The following PVALB variants were observed in gnomAD, a reference collection of about 807,000 sequenced individuals.
PVALB encodes the protein parvalbumin alpha.
A neutral mutation model predicts 10.9 loss-of-function variants in PVALB; 11 were observed. The observed-to-expected ratio is 1.01, with a 90% CI of 0.63 to 1.67. The LOEUF (loss-of-function observed/expected upper bound fraction) is 1.67, where lower values mean the gene tolerates loss of function less well. Among genes scored for constraint, PVALB ranks in the 40% most tolerant of loss-of-function variants. The pLI is 0.00. For missense variants in PVALB, 131 were observed against 136.2 expected (o/e 0.96, Z 0.19); for synonymous variants, 57 against 50.7 (o/e 1.12, Z -0.53).
Position 36,808,528 on chromosome 22 carries a change from T to G in PVALB, c.304+5118A>C, listed in dbSNP as rs565509831. 1.5e-4 allele frequency among the ~76,000 whole-genome samples: 23 copies of G among 152,290 alleles called. No homozygotes were observed. The South Asian group carries it at 4.6e-3, about 30-fold the overall frequency. On this transcript the variant is annotated intron_variant, in intron 3 of 3. Transcript: ENST00000417718. Reference sequence around the variant, plus strand: ...TTGCAAAATGGGGATAGTGACGGCATCTACTTCCTAGGATTATTGTAAGGC... The same window carrying G: ...TTGCAAAATGGGGATAGTGACGGCAGCTACTTCCTAGGATTATTGTAAGGC...
At position 36,801,050 on chromosome 22, in the gene PVALB, A is replaced by C; in HGVS notation, c.305-132T>G. The C allele has an allele frequency of 6.1e-6, 5 of 817,190 alleles. 1 individual carries two copies. In the South Asian group the frequency reaches 7.6e-5, roughly 12 times the overall value. The allele number at this position is 817,190 out of a possible 1,614,324, so 50.6% of individuals were successfully genotyped here. A position where few individuals can be genotyped will look rare whatever the true frequency, so the allele number is the denominator to read the frequency against. ...TCTGCTGCAGCAGCCCCAGAGCGTA[A>C]GTGTGAAAATGAATGAATGAATAAA... On this transcript the variant is annotated intron_variant, in intron 3 of 3. Coordinates refer to ENST00000417718, the MANE Select transcript of PVALB (RefSeq NM_001315532.2).
At chr22:36,803,487 A>T (rs1938901122) in intron 3 of PVALB, among the ~76,000 whole-genome samples, 1 of 151,916 alleles carries the variant, frequency 6.6e-6, no homozygotes, top group African/African-American at 2.4e-5. Flanking sequence ...AGGTGCTCAT[A>T]AATAAGCTCT....
intron 2 of PVALB, among the ~76,000 whole-genome samples, 196 bp downstream of exon 2, chr22:36,814,907 C>T (rs2145954184): frequency 6.6e-6 from 1 of 152,290 alleles, no homozygotes; most frequent in African/African-American, 2.4e-5. Context: ...GAGGGTTTTA[C>T]TCTTCCGAAG....
intron 3 of PVALB, among the ~76,000 whole-genome samples, chr22:36,804,382 C>A (rs7287559): frequency 0.016 from 2,450 of 152,290 alleles, 74 homozygotes; most frequent in African/African-American, 0.056. Flanking sequence ...AGCCCCTCTG[C>A]CCACCCTGCA....
chr22:36,801,603 C>T (rs1326091256), intron 3 of PVALB, among the ~76,000 whole-genome samples: 1 of 152,134 alleles, frequency 6.6e-6, no homozygotes, highest in Non-Finnish European at 1.5e-5. Flanking sequence ...AGTTTGAGAC[C>T]AGCCTGGCCA....
At chr22:36,801,850 G>C (rs1187708793) in intron 3 of PVALB, among the ~76,000 whole-genome samples, 1 of 152,166 alleles carries the variant, frequency 6.6e-6, no homozygotes, top group East Asian at 1.9e-4. Context: ...GTTGTGATGT[G>C]GGGAGAGCAC....
rs549412942 is a variant in PVALB at position 36,816,045 on chromosome 22, T to TTGTGTG, written c.62-816_62-811dup. 4.7e-3 allele frequency among the ~76,000 whole-genome samples: 630 copies of TTGTGTG among 134,238 alleles called. 2 individuals carry two copies. Among genetic ancestry groups the TTGTGTG allele is most frequent in the Middle Eastern group, 0.01 (3 of 294 alleles). 88.1% of individuals were successfully genotyped at this position (134,238 alleles called of 152,430 possible). On this transcript the variant is annotated intron_variant, in intron 1 of 3. Transcript: ENST00000417718. ...AGGGTACAATGTTAGATCATGTATT[T>TTGTGTG]TGTGTGTGTGTGTGTGTGTGTGTGT... is the stretch of plus-strand genomic sequence containing the variant.
intron 2 of PVALB, among the ~76,000 whole-genome samples, chr22:36,814,628 G>T (rs1389728920): frequency 6.6e-6 from 1 of 152,058 alleles, no homozygotes; most frequent in Non-Finnish European, 1.5e-5. Flanking sequence ...AGGACCCCTG[G>T]ACTCTCAGAG....
chr22:36,801,022 G>T (rs1394772872), intron 3 of PVALB, 104 bp from the exon 4 acceptor site: 3 of 1,113,656 alleles, frequency 2.7e-6, no homozygotes, highest in Non-Finnish European at 4.1e-6. Context: ...CTGGGTTCTT[G>T]CTTCTGCTGC....
intron 2 of PVALB, among the ~76,000 whole-genome samples, chr22:36,814,528 G>T (rs1479225336): frequency 6.6e-6 from 1 of 152,128 alleles, no homozygotes; most frequent in Non-Finnish European, 1.5e-5. Flanking sequence ...ACATGGCCGG[G>T]TGGCTGAGGG....
At chr22:36,811,977 A>G (rs1939053007) in intron 3 of PVALB, among the ~76,000 whole-genome samples, 1 of 152,144 alleles carries the variant, frequency 6.6e-6, no homozygotes, top group South Asian at 2.1e-4. Context: ...GGGATTCTCC[A>G]TTCTCGTTAC....
At position 36,800,934 on chromosome 22, in the gene PVALB, A is replaced by G. The variant is rs1191994428; in HGVS notation, c.305-16T>C. 2 of 1,607,198 alleles carry G rather than the reference A, an allele frequency of 1.2e-6. No homozygotes were observed. On this transcript the variant is annotated splice_polypyrimidine_tract_variant and intron_variant, in intron 3 of 3. Transcript: ENST00000417718. ...GTGGAGAATTCTGCAGAACAAAATGACAAGGAAAGTGAGTCAGAGGCGGGG... is the reference window on the plus strand; with the variant it reads ...GTGGAGAATTCTGCAGAACAAAATGGCAAGGAAAGTGAGTCAGAGGCGGGG...
chr22:36,810,006 T>C (rs1283384572), intron 3 of PVALB, among the ~76,000 whole-genome samples: 1 of 152,136 alleles, frequency 6.6e-6, no homozygotes, highest in Non-Finnish European at 1.5e-5. Context: ...TGCCTCAGCC[T>C]CTTGAGTAGC....
At chr22:36,816,865 C>A (rs1005358733) in intron 1 of PVALB, 80 bp downstream of exon 1, 2 of 1,292,190 alleles carry the variant, frequency 1.5e-6, no homozygotes, top group African/African-American at 1.6e-5. Context: ...GAGGATCCGC[C>A]GGCTGCGGGG....
At chr22:36,813,987 C>T (rs1045161326) in intron 2 of PVALB, among the ~76,000 whole-genome samples, 1 of 152,214 alleles carries the variant, frequency 6.6e-6, no homozygotes. Context: ...GTTGTCCTCA[C>T]TTCAGGGAGG....
chr22:36,805,104 C>T (rs1938929705), intron 3 of PVALB, among the ~76,000 whole-genome samples: 1 of 152,186 alleles, frequency 6.6e-6, no homozygotes, highest in Admixed American at 6.5e-5. Context: ...CAAGATGCCT[C>T]ATCCTCCCTG....
chr22:36,808,468 G>A (rs2145948913), intron 3 of PVALB, among the ~76,000 whole-genome samples: 1 of 152,312 alleles, frequency 6.6e-6, no homozygotes, highest in African/African-American at 2.4e-5. Context: ...GAGACCCTGG[G>A]CATGTCACTT....
In PVALB at chr22:36,816,964, C is replaced by T. The variant is rs1244699758; in HGVS notation, c.42G>A (p.Lys14=). The change falls in exon 1 of 4, where the codon AAG becomes AAA. Residue 14 remains lysine, a synonymous_variant. Transcript: ENST00000417718. ...GCTCACCGCTAAAGGCTCCCACCGC[C>T]TTCTTGATGTCCTCAGCGTTCAGCA... The part of the protein sequence containing the change: ...TDLLNAEDIK[K]AVGAFSATDS... The T allele has an allele frequency of 2.5e-6, 4 of 1,609,500 alleles. No homozygotes were observed. The highest frequency in any genetic ancestry group is 3.4e-6 in the Non-Finnish European group (4 of 1,178,860).
chr22:36,806,246 C>T (rs952290066), intron 3 of PVALB, among the ~76,000 whole-genome samples: 1 of 152,164 alleles, frequency 6.6e-6, no homozygotes, highest in African/African-American at 2.4e-5. Context: ...CGCCCAAGAC[C>T]CTCTGGGGCC....
Sources: gnomAD v4.1 joint callset for allele counts (sites outside exome capture counted in the v4.1 genomes callset) on GRCh38, gnomAD v4.1.1 for gene constraint, MANE v1.5 for transcripts, NCBI Gene and HGNC (gene_info 2026-07-23, HGNC 2026-07-21) for gene names.